Variants in YEATS2 observed in about 807,000 individuals in gnomAD.
The protein encoded by YEATS2 is YEATS domain containing 2.
YEATS2 carries 77 observed loss-of-function variants against 163.2 expected under a neutral mutation model. The observed-to-expected ratio is 0.47, with a 90% CI of 0.39 to 0.57. YEATS2 has a LOEUF of 0.57. Among genes scored for constraint, YEATS2 ranks in the 20% least tolerant of loss-of-function variants. The pLI is 0.00. For synonymous variants in YEATS2, 631 were observed against 645.1 expected (o/e 0.98, Z 0.33); for missense variants, 1,549 against 1,729.8 (o/e 0.90, Z 1.85).
chr3:183,759,056 C>G (rs910201280), intron 13 of YEATS2, 91 bp downstream of exon 13: 2 of 850,494 alleles, frequency 2.4e-6, no homozygotes, highest in African/African-American at 1.8e-5. Context: ...GGGGTCTCCC[C>G]GTATTAACCA....
In YEATS2 at chr3:183,755,741, C is replaced by CTTTTTTTTTTTTTTT. The variant is rs57050296; in HGVS notation, c.1391-772_1391-758dup. ...ACTTACTGATTTTCTTCCTTCCTTT[C>CTTTTTTTTTTTTTTT]TTTTTTTTTTTTTTTTTTTTTTTTT... On this transcript the variant is annotated intron_variant, in intron 11 of 30. Transcript: ENST00000305135. Among the ~76,000 whole-genome samples, 47 of 82,200 alleles carry CTTTTTTTTTTTTTTT rather than the reference C, an allele frequency of 5.7e-4. 6 individuals carry two copies. Among genetic ancestry groups the CTTTTTTTTTTTTTTT allele is most frequent in the African/African-American group, 1.8e-3 (30 of 16,558 alleles). The allele number at this position is 82,200 out of a possible 152,430, so 53.9% of individuals were successfully genotyped here. A position where few individuals can be genotyped will look rare whatever the true frequency, so the allele number is the denominator to read the frequency against.
intron 20 of YEATS2, among the ~76,000 whole-genome samples, chr3:183,790,091 C>T (rs1724466159): frequency 1.3e-5 from 2 of 152,182 alleles, no homozygotes. Context: ...TCATGCCTCA[C>T]CAACTTTCTA....
chr3:183,789,724 A>G (rs1724423977), intron 20 of YEATS2, among the ~76,000 whole-genome samples: 1 of 148,688 alleles, frequency 6.7e-6, no homozygotes. Flanking sequence ...TTGTATTAGT[A>G]GAGATGGGGT....
intron 8 of YEATS2, among the ~76,000 whole-genome samples, chr3:183,744,954 G>A (rs559795019): frequency 7.7e-4 from 117 of 152,108 alleles, no homozygotes; most frequent in African/African-American, 2.7e-3. Context: ...GGGCTTAAGC[G>A]ATTCTCCTGC....
At chr3:183,765,336 C>T (rs1344032152) in intron 15 of YEATS2, among the ~76,000 whole-genome samples, 6 of 152,070 alleles carry the variant, frequency 3.9e-5, no homozygotes, top group East Asian at 1.9e-4. Context: ...CATTTTTTGC[C>T]GCTTTGCATA....
At chr3:183,717,790 A>T in intron 3 of YEATS2, 42 bp downstream of exon 3, 1 of 1,241,446 alleles carries the variant, frequency 8.1e-7, no homozygotes, top group African/African-American at 1.6e-5. Flanking sequence ...AAGCTATTGA[A>T]AAAAATGTAT....
At chr3:183,782,375 C>G (rs916637895) in intron 19 of YEATS2, among the ~76,000 whole-genome samples, 1 of 151,962 alleles carries the variant, frequency 6.6e-6, no homozygotes, top group African/African-American at 2.4e-5. Context: ...TCCCAAAGTG[C>G]TAGGATTACG....
chr3:183,765,745 G>A (rs552923876), intron 15 of YEATS2, among the ~76,000 whole-genome samples: 3 of 152,022 alleles, frequency 2.0e-5, no homozygotes, highest in Admixed American at 6.6e-5. Context: ...TCAGGAGTTC[G>A]AGACCAGCCT....
chr3:183,791,523 A>G (rs1453679349), intron 21 of YEATS2, among the ~76,000 whole-genome samples: 1 of 152,168 alleles, frequency 6.6e-6, no homozygotes, highest in African/African-American at 2.4e-5. Flanking sequence ...GATATAATAA[A>G]CCCTTAGCCA....
chr3:183,730,057 T>C (rs1435175718), intron 7 of YEATS2, among the ~76,000 whole-genome samples: 1 of 29,970 alleles, frequency 3.3e-5, no homozygotes, highest in Non-Finnish European at 6.0e-5. Context: ...TGTTTGTTTT[T>C]TTTTTTTTTT....
intron 21 of YEATS2, among the ~76,000 whole-genome samples, chr3:183,797,269 G>GAAAAAAA (rs1167929691): frequency 1.4e-5 from 1 of 72,616 alleles, no homozygotes; most frequent in African/African-American, 5.4e-5. Context: ...ATCCAACTCT[G>GAAAAAAA]AAAAAAAAAA....
chr3:183,789,597 G>A (rs1216447814), intron 20 of YEATS2, among the ~76,000 whole-genome samples: 3 of 131,672 alleles, frequency 2.3e-5, no homozygotes, highest in Non-Finnish European at 4.6e-5. Context: ...GTGCAGTGGC[G>A]CGATCTCGGC....
intron 14 of YEATS2, 80 bp from the exon 15 acceptor site, chr3:183,762,017 G>A (rs561213401): frequency 1.3e-5 from 21 of 1,572,294 alleles, no homozygotes; most frequent in East Asian, 2.2e-5. Context: ...CCCTGCAAAC[G>A]GAGAAGAGTC....
chr3:183,808,781 G>T (rs5020418), intron 29 of YEATS2: 89,229 of 201,094 alleles, frequency 0.44, 20,395 homozygotes, highest in Middle Eastern at 0.54. Context: ...GCTTGAACCC[G>T]GGAGGCGGAG....
intron 20 of YEATS2, among the ~76,000 whole-genome samples, chr3:183,787,875 C>T (rs945361806): frequency 3.3e-5 from 5 of 151,392 alleles, no homozygotes; most frequent in East Asian, 3.9e-4. Context: ...TGGTGACGGG[C>T]GCCTGTAGTC....
chr3:183,783,067 A>G (rs947510579), intron 19 of YEATS2, among the ~76,000 whole-genome samples: 9 of 152,190 alleles, frequency 5.9e-5, no homozygotes, highest in African/African-American at 1.9e-4. Context: ...TATTTGCATA[A>G]AGCTCCAATG....
intron 1 of YEATS2, among the ~76,000 whole-genome samples, chr3:183,704,908 C>T (rs1714471708): frequency 6.6e-6 from 1 of 152,198 alleles, no homozygotes; most frequent in Non-Finnish European, 1.5e-5. Context: ...GGATTACAGG[C>T]ATGAGCCACT....
At position 183,736,241 on chromosome 3, in the gene YEATS2, A is replaced by G. The variant is rs79028166; in HGVS notation, c.813-477A>G. ...GGGAAGGTCATATTGTGAACATATG[A>G]TCTTTCTTTAAGTCTTCTTAGCAGA... On this transcript the variant is annotated intron_variant, in intron 7 of 30. Transcript: ENST00000305135. 1.0e-3 allele frequency among the ~76,000 whole-genome samples: 153 copies of G among 152,298 alleles called. 1 individual carries two copies. The highest frequency in any genetic ancestry group is 3.4e-3 in the Middle Eastern group (1 of 294).
chr3:183,727,870 A>G (rs1209902130), intron 6 of YEATS2, among the ~76,000 whole-genome samples: 1 of 152,126 alleles, frequency 6.6e-6, no homozygotes, highest in Non-Finnish European at 1.5e-5. Flanking sequence ...CCCGAAGGCT[A>G]GAGCTTCCCT....
Sources: allele counts gnomAD v4.1 joint callset (sites outside exome capture counted in the v4.1 genomes callset), GRCh38; gene constraint gnomAD v4.1.1; transcripts MANE v1.5; gene names NCBI Gene and HGNC (gene_info 2026-07-23, HGNC 2026-07-21).